The following PSD3 variants were observed in gnomAD, a reference collection of about 807,000 sequenced individuals.
PSD3 encodes the protein pleckstrin and Sec7 domain containing 3, also known as PH and SEC7 domain-containing protein 3.
Under a neutral mutation model 105.5 loss-of-function variants are expected in PSD3, and 49 were observed. The observed-to-expected ratio is 0.46, with a 90% CI of 0.37 to 0.59. PSD3 has a LOEUF of 0.59. Ranked by LOEUF, PSD3 falls within the 20% of genes least tolerant of loss-of-function variation. PSD3 has a pLI of 0.00. For missense variants in PSD3, 1,561 were observed against 1,263.8 expected (o/e 1.24, Z -3.57); for synonymous variants, 557 against 457.8 (o/e 1.22, Z -2.77).
intron 4 of PSD3, among the ~76,000 whole-genome samples, chr8:18,809,210 C>T (rs187715404): frequency 6.6e-6 from 1 of 152,242 alleles, no homozygotes; most frequent in East Asian, 1.9e-4. Context: ...TTTATTTTCC[C>T]TCTTTTTCTT....
intron 14 of PSD3, among the ~76,000 whole-genome samples, chr8:18,567,806 G>T (rs1004520469): frequency 6.6e-6 from 1 of 152,110 alleles, no homozygotes; most frequent in African/African-American, 2.4e-5. Context: ...TCTTGCTAAG[G>T]TTATCCAATG....
At chr8:18,624,075 G>A (rs902580369) in intron 11 of PSD3, among the ~76,000 whole-genome samples, 8 of 152,048 alleles carry the variant, frequency 5.3e-5, no homozygotes, top group African/African-American at 1.9e-4. Context: ...CTATTATAAT[G>A]TTGCTATAAA....
At chr8:18,974,342 C>G (rs1824811640) in intron 1 of PSD3, among the ~76,000 whole-genome samples, 1 of 152,238 alleles carries the variant, frequency 6.6e-6, no homozygotes, top group Non-Finnish European at 1.5e-5. Flanking sequence ...AATTACAATG[C>G]ACTCCAACTA....
At chr8:18,745,705 G>C (rs1265285767) in intron 9 of PSD3, among the ~76,000 whole-genome samples, 1 of 152,152 alleles carries the variant, frequency 6.6e-6, no homozygotes, top group Non-Finnish European at 1.5e-5. Context: ...CGCTCGGCAG[G>C]CAGAGCTAAG....
intron 14 of PSD3, among the ~76,000 whole-genome samples, chr8:18,557,934 G>T (rs184171042): frequency 3.9e-5 from 6 of 152,188 alleles, no homozygotes; most frequent in African/African-American, 1.4e-4. Context: ...GGTCCCTAAA[G>T]AAGTAATAAT....
At chr8:18,817,037 T>A (rs1201638521) in intron 4 of PSD3, among the ~76,000 whole-genome samples, 2 of 152,144 alleles carry the variant, frequency 1.3e-5, no homozygotes, top group East Asian at 3.9e-4. Flanking sequence ...CTGGGCAAGA[T>A]GGCGTTTGGT....
chr8:18,838,516 T>C (rs1814323945), intron 4 of PSD3, among the ~76,000 whole-genome samples: 1 of 152,104 alleles, frequency 6.6e-6, no homozygotes, highest in South Asian at 2.1e-4. Context: ...AAAAATAATG[T>C]TCCGGCTGAG....
intron 14 of PSD3, among the ~76,000 whole-genome samples, chr8:18,563,523 C>G (rs979684661): frequency 5.3e-5 from 8 of 152,098 alleles, no homozygotes; most frequent in Non-Finnish European, 8.8e-5. Context: ...ATTTAGAATA[C>G]AGAACACCTG....
intron 1 of PSD3, among the ~76,000 whole-genome samples, chr8:18,959,622 C>G (rs1384685365): frequency 6.6e-6 from 1 of 152,154 alleles, no homozygotes; most frequent in Non-Finnish European, 1.5e-5. Context: ...TGCCCACACT[C>G]ACATTCCACT....
At chr8:18,752,485 TATATATAA>T in intron 9 of PSD3, among the ~76,000 whole-genome samples, 1 of 15,782 alleles carries the variant, frequency 6.3e-5, no homozygotes, top group Non-Finnish European at 1.7e-4. Context: ...TATATTATTA[TATATATAA>T]TATATATAAT....
rs66672830 is a variant in PSD3 at position 18,743,808 on chromosome 8, G to T, written c.2172+21641C>A. Among the ~76,000 whole-genome samples, 34 of 151,308 alleles carry T rather than the reference G, an allele frequency of 2.2e-4. No homozygotes were observed. The East Asian group carries it at 4.9e-3, about 22-fold the overall frequency. ...AAAAAAAAGAAAGAAAATTAGCTAG[G>T]CTTGGTGGCACATGCCTGCAGTCCC... On this transcript the variant is annotated intron_variant, in intron 9 of 15. Coordinates refer to ENST00000327040, the MANE Select transcript of PSD3 (RefSeq NM_015310.4).
intron 9 of PSD3, among the ~76,000 whole-genome samples, chr8:18,696,875 G>T (rs1801287871): frequency 6.6e-6 from 1 of 152,160 alleles, no homozygotes; most frequent in South Asian, 2.1e-4. Context: ...TCATTAAAAT[G>T]TGTAAAAAGA....
intron 10 of PSD3, among the ~76,000 whole-genome samples, chr8:18,642,133 C>A (rs1807692947): frequency 6.6e-6 from 1 of 152,242 alleles, no homozygotes; most frequent in South Asian, 2.1e-4. Context: ...AATAAAGGAT[C>A]TGACCATATG....
At chr8:18,551,295 G>A (rs1800756457) in intron 15 of PSD3, among the ~76,000 whole-genome samples, 1 of 152,146 alleles carries the variant, frequency 6.6e-6, no homozygotes, top group Non-Finnish European at 1.5e-5. Flanking sequence ...CAACGCTACT[G>A]ACTATGCAAC....
chr8:18,573,521 T>C (rs1802277580), intron 13 of PSD3, among the ~76,000 whole-genome samples: 1 of 151,998 alleles, frequency 6.6e-6, no homozygotes, highest in Non-Finnish European at 1.5e-5. Context: ...GTTTATAGCA[T>C]CATCATTCCT....
At chr8:18,681,161 G>A (rs532973421) in intron 9 of PSD3, among the ~76,000 whole-genome samples, 2 of 152,104 alleles carry the variant, frequency 1.3e-5, no homozygotes, top group Admixed American at 6.6e-5. Flanking sequence ...AGCGAACCAC[G>A]AGTTAATGGT....
intron 9 of PSD3, among the ~76,000 whole-genome samples, chr8:18,725,226 T>A (rs1180750007): frequency 6.6e-6 from 1 of 152,138 alleles, no homozygotes; most frequent in African/African-American, 2.4e-5. Flanking sequence ...CCCCAAGAAC[T>A]CTTTTATTTT....
At chr8:18,668,110 T>A (rs60732052) in intron 9 of PSD3, among the ~76,000 whole-genome samples, 1 of 152,078 alleles carries the variant, frequency 6.6e-6, no homozygotes, top group African/African-American at 2.4e-5. Context: ...CCGGCCTCGG[T>A]CAGCCCAGAA....
At chr8:18,825,854 C>G (rs757810716) in intron 4 of PSD3, among the ~76,000 whole-genome samples, 23 of 152,122 alleles carry the variant, frequency 1.5e-4, no homozygotes, top group Non-Finnish European at 3.2e-4. Context: ...CAAGTTCTTC[C>G]GTATTTCCCC....
Sources: allele counts gnomAD v4.1 joint callset (sites outside exome capture counted in the v4.1 genomes callset), GRCh38; gene constraint gnomAD v4.1.1; transcripts MANE v1.5; gene names NCBI Gene and HGNC (gene_info 2026-07-23, HGNC 2026-07-21).